The following CNTN6 variants were observed in gnomAD, a reference collection of about 807,000 sequenced individuals.
The protein encoded by CNTN6 is contactin 6.
A neutral mutation model predicts 122.8 loss-of-function variants in CNTN6; 137 were observed. The ratio of observed to expected loss-of-function variants is 1.12; its 90% CI spans 0.97 to 1.29. The LOEUF (loss-of-function observed/expected upper bound fraction) is 1.29. Ranked by LOEUF, CNTN6 falls within the 50% of genes most tolerant of loss-of-function variation. The pLI, the probability that CNTN6 is intolerant of heterozygous loss-of-function variation, is 0.00. For missense variants in CNTN6, 1,634 were observed against 1,223.4 expected (o/e 1.34, Z -5.01); for synonymous variants, 570 against 426.0 (o/e 1.34, Z -4.16).
chr3:1,260,734 C>T (rs376533484), intron 4 of CNTN6, among the ~76,000 whole-genome samples: 7 of 152,020 alleles, frequency 4.6e-5, no homozygotes, highest in East Asian at 3.9e-4. Context: ...TGAGTTCTCA[C>T]GAGATCTGAT....
chr3:1,327,483 A>T lies in CNTN6; in HGVS notation c.1110A>T (p.Thr370=). The T allele has an allele frequency of 6.2e-7, 1 of 1,610,602 alleles. No individual in the cohort carries two copies. ...PEERIQIENG[T]LIITMLNVSD... ...AGAGAATTCAAATAGAAAATGGGAC[A>T]CTCATCATAACGATGCTGAATGTGT... Residue 370 remains threonine, a synonymous_variant, in exon 10 of 23, where the codon ACA becomes ACT. Transcript: ENST00000446702.
intron 1 of CNTN6, among the ~76,000 whole-genome samples, chr3:1,132,453 G>C (rs2092361143): frequency 6.6e-6 from 1 of 151,962 alleles, no homozygotes; most frequent in South Asian, 2.1e-4. Context: ...GGCTGGGTAT[G>C]GTGGTTGAAG....
In CNTN6 at chr3:1,384,318, C is replaced by T. The variant is rs188544421; in HGVS notation, c.2517+910C>T. Among the ~76,000 whole-genome samples the T allele has an allele frequency of 3.0e-4, 45 of 149,064 alleles. No individual in the cohort carries two copies. In the East Asian group the frequency reaches 5.8e-3, roughly 19 times the overall value. Reference sequence around the variant, plus strand: ...TTTTTCCCTTGGTAAGAGGTGAAGTCTGCTCCTCAATCATCTTACACCATG... The same window carrying T: ...TTTTTCCCTTGGTAAGAGGTGAAGTTTGCTCCTCAATCATCTTACACCATG... On this transcript the variant is annotated intron_variant, in intron 19 of 22. Coordinates refer to ENST00000446702, the MANE Select transcript of CNTN6 (RefSeq NM_001289080.2).
rs572682529 is a variant in CNTN6 at position 1,112,668 on chromosome 3, G to T, written c.-83+19548G>T. ...CAGACTCACATGCTAATTTCTTCTG[G>T]AAATGTCCTTGCAGACACGCCCAAA... On this transcript the variant is annotated intron_variant, in intron 1 of 22. Transcript: ENST00000446702. Among the ~76,000 whole-genome samples the T allele has an allele frequency of 2.6e-5, 4 of 152,124 alleles. No individual in the cohort carries two copies. In the South Asian group the frequency reaches 8.3e-4, roughly 32 times the overall value.
chr3:1,237,510 G>A (rs1438557008), intron 4 of CNTN6, among the ~76,000 whole-genome samples: 1 of 152,090 alleles, frequency 6.6e-6, no homozygotes, highest in Non-Finnish European at 1.5e-5. Flanking sequence ...CCTCAGCTTT[G>A]CTAGAGATCT....
At chr3:1,312,090 T>A (rs547381978) in intron 7 of CNTN6, among the ~76,000 whole-genome samples, 1 of 152,158 alleles carries the variant, frequency 6.6e-6, no homozygotes, top group African/African-American at 2.4e-5. Flanking sequence ...TTTCTAAATA[T>A]CTTGCCAGTT....
At chr3:1,166,091 T>G (rs1559438153) in intron 2 of CNTN6, among the ~76,000 whole-genome samples, 2 of 152,198 alleles carry the variant, frequency 1.3e-5, no homozygotes, top group Admixed American at 6.5e-5. Context: ...CATTTCTCAG[T>G]GCGTTGCTTG....
At chr3:1,213,547 T>G (rs2094079059) in intron 2 of CNTN6, among the ~76,000 whole-genome samples, 1 of 151,740 alleles carries the variant, frequency 6.6e-6, no homozygotes. Context: ...GCAAAGAAAA[T>G]AAAAAACCTA....
chr3:1,172,888 T>C lies in CNTN6; in HGVS notation c.55+24825T>C, dbSNP rs1275611457. Among the ~76,000 whole-genome samples, 5 of 152,312 alleles carry C rather than the reference T, an allele frequency of 3.3e-5. No individual in the cohort carries two copies. In the East Asian group the frequency reaches 9.7e-4, roughly 29 times the overall value. On this transcript the variant is annotated intron_variant, in intron 2 of 22. Coordinates refer to ENST00000446702, the MANE Select transcript of CNTN6 (RefSeq NM_001289080.2). ...GGCCTCTGGTCTGCTAGTCTGTTGGTGTCTCACTTGGCTATTCAACATCAG... is the reference window on the plus strand; with the variant it reads ...GGCCTCTGGTCTGCTAGTCTGTTGGCGTCTCACTTGGCTATTCAACATCAG...
intron 1 of CNTN6, among the ~76,000 whole-genome samples, chr3:1,144,584 ATAAT>A (rs1559392285): frequency 2.7e-5 from 4 of 147,596 alleles, no homozygotes. Context: ...TCATTAAAAA[ATAAT>A]AATAATAAAA....
At chr3:1,209,349 T>C (rs1251631626) in intron 2 of CNTN6, among the ~76,000 whole-genome samples, 1 of 152,192 alleles carries the variant, frequency 6.6e-6, no homozygotes, top group Admixed American at 6.5e-5. Context: ...TCTTCTCAAA[T>C]GTCTACTGCA....
chr3:1,259,462 C>T (rs1276121747), intron 4 of CNTN6, among the ~76,000 whole-genome samples: 1 of 151,956 alleles, frequency 6.6e-6, no homozygotes, highest in Non-Finnish European at 1.5e-5. Flanking sequence ...ACATATGTTT[C>T]AGCTTACTAT....
intron 2 of CNTN6, among the ~76,000 whole-genome samples, chr3:1,212,951 G>T (rs571625998): frequency 1.3e-5 from 2 of 152,236 alleles, no homozygotes; most frequent in East Asian, 3.9e-4. Context: ...AAAAAGGAAT[G>T]ATATCAACTG....
intron 11 of CNTN6, among the ~76,000 whole-genome samples, chr3:1,334,242 A>G (rs1395396531): frequency 6.6e-6 from 1 of 152,154 alleles, no homozygotes; most frequent in African/African-American, 2.4e-5. Flanking sequence ...TAGCACTTAT[A>G]TTGAAGAGAA....
rs112009613 is a variant in CNTN6 at position 1,382,838 on chromosome 3, C to T, written c.2167-104C>T. The stretch of plus-strand genomic sequence containing the variant: ...TACATCATTAAACAGAATAAATATC[C>T]ATATTTGTCTCTATGGAAGAAATGT... On this transcript the variant is annotated intron_variant, in intron 17 of 22. Transcript: ENST00000446702. The T allele has an allele frequency of 2.2e-4, 163 of 756,792 alleles. 1 individual carries two copies. The African/African-American group carries it at 2.3e-3, about 11-fold the overall frequency. The allele number at this position is 756,792 out of a possible 1,614,324, so 46.9% of individuals were successfully genotyped here. A position where few individuals can be genotyped will look rare whatever the true frequency, so the allele number is the denominator to read the frequency against.
At chr3:1,268,958 G>A (rs2094975882) in intron 4 of CNTN6, among the ~76,000 whole-genome samples, 1 of 152,062 alleles carries the variant, frequency 6.6e-6, no homozygotes, top group Non-Finnish European at 1.5e-5. Flanking sequence ...TCCAGCCGAG[G>A]CAAGAGAGTG....
At chr3:1,129,533 T>C (rs1355910904) in intron 1 of CNTN6, among the ~76,000 whole-genome samples, 2 of 152,114 alleles carry the variant, frequency 1.3e-5, no homozygotes, top group African/African-American at 4.8e-5. Context: ...TTCTGCACAG[T>C]CACTTTGCAT....
At chr3:1,377,185 A>T (rs530061486) in intron 17 of CNTN6, 110 bp downstream of exon 17, 1 of 685,134 alleles carries the variant, frequency 1.5e-6, no homozygotes, top group Non-Finnish European at 2.4e-6. Flanking sequence ...GTAAAAAAAT[A>T]TGGTATAAAA....
At chr3:1,115,436 C>T (rs1301108515) in intron 1 of CNTN6, among the ~76,000 whole-genome samples, 2 of 152,060 alleles carry the variant, frequency 1.3e-5, no homozygotes, top group Non-Finnish European at 2.9e-5. Context: ...CTTTTTCAAT[C>T]ATAAAAGGGA....
Sources: gnomAD v4.1 joint callset for allele counts (sites outside exome capture counted in the v4.1 genomes callset) on GRCh38, gnomAD v4.1.1 for gene constraint, MANE v1.5 for transcripts, NCBI Gene and HGNC (gene_info 2026-07-23, HGNC 2026-07-21) for gene names.